The following KIRREL3 variants were observed in gnomAD, a reference collection of about 807,000 sequenced individuals.
The protein encoded by KIRREL3 is kin of IRRE-like protein 3.
A neutral mutation model predicts 89.7 loss-of-function variants in KIRREL3; 36 were observed. The ratio of observed to expected loss-of-function variants is 0.40; its 90% confidence interval spans 0.31 to 0.53. The LOEUF is 0.53. Among genes scored for constraint, KIRREL3 ranks in the 20% least tolerant of loss-of-function variants. The pLI is 0.49. For missense variants in KIRREL3, 864 were observed against 1,056.6 expected (o/e 0.82, Z 2.53); for synonymous variants, 445 against 441.4 (o/e 1.01, Z -0.10).
intron 4 of KIRREL3, among the ~76,000 whole-genome samples, chr11:126,505,164 A>T (rs967513694): frequency 6.6e-6 from 1 of 152,270 alleles, no homozygotes; most frequent in Admixed American, 6.5e-5. Context: ...CAGTGCAATA[A>T]GACAAAAATG....
At chr11:126,794,230 G>A (rs1394476815) in intron 1 of KIRREL3, among the ~76,000 whole-genome samples, 3 of 152,140 alleles carry the variant, frequency 2.0e-5, no homozygotes, top group East Asian at 1.9e-4. Flanking sequence ...AGATGTTTAG[G>A]TGTCTTTAGC....
At chr11:126,815,921 C>T (rs1456000721) in intron 1 of KIRREL3, among the ~76,000 whole-genome samples, 1 of 152,198 alleles carries the variant, frequency 6.6e-6, no homozygotes, top group Non-Finnish European at 1.5e-5. Context: ...GCAAAAACCA[C>T]ACGACGACAG....
chr11:126,948,490 A>C lies in KIRREL3; in HGVS notation c.55+51965T>G, dbSNP rs1334253398. 6.6e-6 allele frequency among the ~76,000 whole-genome samples: 1 copy of C among 152,208 alleles called. No homozygotes were observed. The highest frequency in any genetic ancestry group is 1.9e-4 in the East Asian group (1 of 5,208). ...ATGCAGGGACTCTTGTTCATAGTGC[A>C]ATGCCCAAAGAACTAGCATAGTTCT... On this transcript the variant is annotated intron_variant, in intron 1 of 16. Coordinates refer to ENST00000525144, the MANE Select transcript of KIRREL3 (RefSeq NM_032531.4). This position sits in a 1 kb window ranked among gnomAD's most constrained non-coding sequence, Gnocchi z 4.5.
chr11:126,456,057 T>TC lies in KIRREL3; in HGVS notation c.848+291dup, dbSNP rs1555111051. 6.2e-3 allele frequency among the ~76,000 whole-genome samples: 676 copies of TC among 109,790 alleles called. 20 individuals are homozygous for TC. The highest frequency in any genetic ancestry group is 0.012 in the Middle Eastern group (2 of 172). 72.0% of individuals were successfully genotyped at this position (109,790 alleles called of 152,430 possible). On this transcript the variant is annotated intron_variant, in intron 7 of 16. Transcript: ENST00000525144. ...TGTTTTCGTTTTTTTTTTTTTTTTT[T>TC]CCTGAGCCTTTTCCCCATGTTTGGA...
At chr11:126,967,988 G>A (rs1949323261) in intron 1 of KIRREL3, among the ~76,000 whole-genome samples, 1 of 152,118 alleles carries the variant, frequency 6.6e-6, no homozygotes, top group Admixed American at 6.6e-5. Flanking sequence ...CTGACTACCA[G>A]CCAAGCCCTA....
chr11:126,870,800 C>T lies in KIRREL3; in HGVS notation c.55+129655G>A, dbSNP rs1233210506. 6.6e-6 allele frequency among the ~76,000 whole-genome samples: 1 copy of T among 152,180 alleles called. No individual in the cohort carries two copies. Among genetic ancestry groups the T allele is most frequent in the Non-Finnish European group, 1.5e-5 (1 of 68,038 alleles). ...AGAGCACACTGCCCCTCCCCACTTCCAGTGTAGTTCCTGCACTGCCCCTCC... is the reference window on the plus strand; with the variant it reads ...AGAGCACACTGCCCCTCCCCACTTCTAGTGTAGTTCCTGCACTGCCCCTCC... On this transcript the variant is annotated intron_variant, in intron 1 of 16. Transcript: ENST00000525144. The surrounding 1 kb of genome is among the most constrained non-coding windows in gnomAD (Gnocchi z 4.4).
intron 6 of KIRREL3, among the ~76,000 whole-genome samples, chr11:126,457,384 T>G (rs1235191902): frequency 2.0e-5 from 3 of 151,712 alleles, no homozygotes; most frequent in Non-Finnish European, 4.4e-5. Context: ...TATGTGTGTA[T>G]GCGTGTGTGT....
chr11:127,001,246 G>T (rs142980156), upstream of KIRREL3: 5 of 146,576 alleles, frequency 3.4e-5, no homozygotes, highest in African/African-American at 1.3e-4. Context: ...GGGAGGCTCG[G>T]AGTTGGAGAA....
chr11:126,716,690 C>T (rs1404036604), intron 1 of KIRREL3, among the ~76,000 whole-genome samples: 1 of 139,882 alleles, frequency 7.1e-6, no homozygotes, highest in African/African-American at 2.7e-5. Flanking sequence ...TGAAAACTGG[C>T]CATATCAGTC....
In KIRREL3 at chr11:126,748,473, C is replaced by T. The variant is rs1224918127; in HGVS notation, c.56-185561G>A. ...AGCTTGCCTACGGCGAGAATTATTC[C>T]CAGCAGGCGTTTCAGGCCATCTCTA... On this transcript the variant is annotated intron_variant, in intron 1 of 16. Coordinates refer to ENST00000525144, the MANE Select transcript of KIRREL3 (RefSeq NM_032531.4). This position sits in a 1 kb window ranked among gnomAD's most constrained non-coding sequence, Gnocchi z 4.6. Among the ~76,000 whole-genome samples the T allele has an allele frequency of 4.6e-5, 7 of 152,208 alleles. No homozygotes were observed. The highest frequency in any genetic ancestry group is 7.2e-5 in the African/African-American group (3 of 41,456).
At chr11:126,871,124 C>T (rs1784352) in intron 1 of KIRREL3, among the ~76,000 whole-genome samples, 127,181 of 152,214 alleles carry the variant, frequency 0.84, 53,266 homozygotes, top group East Asian at 1. Context: ...CAGTTCATCC[C>T]TCAAACAGCG....
At chr11:126,929,567 C>A (rs1273733678) in intron 1 of KIRREL3, among the ~76,000 whole-genome samples, 2 of 152,028 alleles carry the variant, frequency 1.3e-5, no homozygotes, top group Non-Finnish European at 1.5e-5. Context: ...CCAAATAAGA[C>A]CACGTAAAAG....
In KIRREL3 at chr11:126,428,742, G is replaced by C. The variant is rs766920033; in HGVS notation, c.1806+437C>G. On this transcript the variant is annotated intron_variant, in intron 15 of 16. Transcript: ENST00000525144. The surrounding 1 kb of genome is among the most constrained non-coding windows in gnomAD (Gnocchi z 6.4). The stretch of plus-strand genomic sequence containing the variant: ...GCTCACTGCAACCTCCACCTCCTGG[G>C]TTCAAGCAATTCTCCTGCCTCAGCT... Among the ~76,000 whole-genome samples, 17 of 152,122 alleles carry C rather than the reference G, an allele frequency of 1.1e-4. No individual in the cohort carries two copies. Among genetic ancestry groups the C allele is most frequent in the Non-Finnish European group, 1.6e-4 (11 of 68,016 alleles).
At chr11:126,779,675 C>T (rs865982113) in intron 1 of KIRREL3, among the ~76,000 whole-genome samples, 15 of 152,250 alleles carry the variant, frequency 9.9e-5, no homozygotes, top group Middle Eastern at 6.8e-3. Flanking sequence ...TTAATAAATG[C>T]TTGTCACATA....
rs1163809972 is a variant in KIRREL3 at position 126,816,177 on chromosome 11, G to T, written c.55+184278C>A. Among the ~76,000 whole-genome samples, 4 of 152,162 alleles carry T rather than the reference G, an allele frequency of 2.6e-5. No homozygotes were observed. The South Asian group carries it at 8.3e-4, about 31-fold the overall frequency. ...GGAGTCTTAAGAAAGAGTTAGTTTT[G>T]TATAAATATGGAATGCCAGTAATTA... is the stretch of plus-strand genomic sequence containing the variant. On this transcript the variant is annotated intron_variant, in intron 1 of 16. Coordinates refer to ENST00000525144, the MANE Select transcript of KIRREL3 (RefSeq NM_032531.4).
chr11:126,534,206 G>A (rs1365874092), intron 2 of KIRREL3, among the ~76,000 whole-genome samples: 2 of 151,766 alleles, frequency 1.3e-5, no homozygotes, highest in Non-Finnish European at 2.9e-5. Context: ...GCCATGCCCT[G>A]TGGGGGAGAA....
rs1046283524 is a variant in KIRREL3 at position 126,812,780 on chromosome 11, A to G, written c.55+187675T>C. On this transcript the variant is annotated intron_variant, in intron 1 of 16. Transcript: ENST00000525144. The surrounding 1 kb of genome is among the most constrained non-coding windows in gnomAD (Gnocchi z 5.2). ...GCAATCAAGCAATGCATTTCAATCAACTTCTACAATGATCCAATTTCTGGG... is the reference window on the plus strand; with the variant it reads ...GCAATCAAGCAATGCATTTCAATCAGCTTCTACAATGATCCAATTTCTGGG... 2.0e-5 allele frequency among the ~76,000 whole-genome samples: 3 copies of G among 152,160 alleles called. No homozygotes were observed. The highest frequency in any genetic ancestry group is 4.4e-5 in the Non-Finnish European group (3 of 68,014).
intron 1 of KIRREL3, among the ~76,000 whole-genome samples, chr11:126,596,864 GAGACAGAGCCCGGGCT>G (rs1286976988): frequency 6.6e-6 from 1 of 152,234 alleles, no homozygotes; most frequent in Non-Finnish European, 1.5e-5. Flanking sequence ...TTGGGCAAGA[GAGACAGAGCCCGGGCT>G]GCAGTTTCCT....
chr11:126,735,648 A>T (rs1287323113), intron 1 of KIRREL3, among the ~76,000 whole-genome samples: 1 of 152,250 alleles, frequency 6.6e-6, no homozygotes, highest in Non-Finnish European at 1.5e-5. Flanking sequence ...AGAAGTGGAT[A>T]TCAAAACCTG....
Sources: allele counts gnomAD v4.1 joint callset (sites outside exome capture counted in the v4.1 genomes callset), GRCh38; gene constraint gnomAD v4.1.1; non-coding constraint Gnocchi (gnomAD v3.1); transcripts MANE v1.5; gene names NCBI Gene and HGNC (gene_info 2026-07-23, HGNC 2026-07-21).